MLKL: variants seen among roughly 807,000 people sequenced by gnomAD.
MLKL encodes the protein mixed lineage kinase domain-like protein.
MLKL carries 55 observed loss-of-function variants against 56.5 expected under a neutral mutation model. That is an observed-to-expected ratio of 0.97 (90% CI 0.78 to 1.22). MLKL has a LOEUF of 1.22. Ranked by LOEUF, MLKL falls within the 50% of genes most tolerant of loss-of-function variation. The pLI is 0.00. For synonymous variants in MLKL, 251 were observed against 208.3 expected (o/e 1.20, Z -1.76); for missense variants, 694 against 573.9 (o/e 1.21, Z -2.14).
chr16:74,695,740 A>G lies in MLKL; in HGVS notation c.18T>C (p.His6=), dbSNP rs1347381689. The stretch of plus-strand genomic sequence containing the variant: ...GGATGACCTGGCCAAGGGTGATAAT[A>G]TGCTTCAAATTTTCCATGCCTGGAA... MENLK[H]IITLGQVIHK... The change falls in exon 2 of 11, where the codon CAT becomes CAC. Residue 6 remains histidine, a synonymous_variant. Transcript: ENST00000308807. The G allele has an allele frequency of 1.3e-6, 2 of 1,587,898 alleles. No individual in the cohort carries two copies. Among genetic ancestry groups the G allele is most frequent in the Non-Finnish European group, 1.7e-6 (2 of 1,166,812 alleles).
At chr16:74,679,215 G>A (rs1008851269) in intron 6 of MLKL, among the ~76,000 whole-genome samples, 1 of 152,140 alleles carries the variant, frequency 6.6e-6, no homozygotes, top group African/African-American at 2.4e-5. Context: ...GCATGCAATC[G>A]GGCATCAGGG....
At chr16:74,681,372 A>C (rs966728398) in intron 6 of MLKL, among the ~76,000 whole-genome samples, 1 of 152,186 alleles carries the variant, frequency 6.6e-6, no homozygotes, top group Non-Finnish European at 1.5e-5. Flanking sequence ...AAAAATGTTA[A>C]GTAAATAACA....
Position 74,672,255 on chromosome 16 carries a change from G to A in MLKL, c.*249C>T. 1 of 414,376 alleles carries A rather than the reference G, an allele frequency of 2.4e-6. No individual in the cohort carries two copies. Among genetic ancestry groups the A allele is most frequent in the Non-Finnish European group, 4.4e-6 (1 of 228,558 alleles). The allele number at this position is 414,376 out of a possible 1,614,324, so 25.7% of individuals were successfully genotyped here. On this transcript the variant is annotated 3_prime_UTR_variant, in exon 11 of 11. Coordinates refer to ENST00000308807, the MANE Select transcript of MLKL (RefSeq NM_152649.4). ...GCAAATTTCATTGCCAAGAGGTGTG[G>A]ATACCCAGAAAGATACATTTGACAA...
intron 2 of MLKL, 82 bp from the exon 3 acceptor site, chr16:74,692,498 G>A (rs1960735336): frequency 7.2e-6 from 8 of 1,109,486 alleles, no homozygotes; most frequent in African/African-American, 6.3e-5. Flanking sequence ...AATTAAAACT[G>A]TTGAGATATC....
At position 74,685,465 on chromosome 16, in the gene MLKL, A is replaced by G. The variant is rs767627387; in HGVS notation, c.820+21T>C. The G allele has an allele frequency of 8.2e-6, 13 of 1,592,072 alleles. No individual in the cohort carries two copies. The South Asian group carries it at 1.4e-4, about 18-fold the overall frequency. On this transcript the variant is annotated intron_variant, in intron 5 of 10. Transcript: ENST00000308807. ...GTTCTAGGCCATCCAAAGCTTGACCAATCCTAGAAGCATTCCTTACCTGTT... is the reference window on the plus strand; with the variant it reads ...GTTCTAGGCCATCCAAAGCTTGACCGATCCTAGAAGCATTCCTTACCTGTT...
At chr16:74,699,107 C>T (rs1009627641) in intron 1 of MLKL, among the ~76,000 whole-genome samples, 14 of 151,386 alleles carry the variant, frequency 9.2e-5, no homozygotes, top group South Asian at 2.1e-4. Context: ...AGCAAAACTC[C>T]GTCTCAAAAA....
chr16:74,675,602 C>T lies in MLKL; in HGVS notation c.1190+11G>A, dbSNP rs755462575. The T allele has an allele frequency of 2.4e-5, 39 of 1,610,158 alleles. No homozygotes were observed. The Admixed American group carries it at 4.2e-4, about 17-fold the overall frequency. ...ATCTGAGTTAGAATCTGTACCAGAA[C>T]GTGAGTGTACCTGTATATTTCAGAC... On this transcript the variant is annotated intron_variant, in intron 8 of 10. Transcript: ENST00000308807.
chr16:74,680,489 T>TTTTTTG (rs1959885460), intron 6 of MLKL, among the ~76,000 whole-genome samples: 1 of 151,650 alleles, frequency 6.6e-6, no homozygotes, highest in Admixed American at 6.6e-5. Flanking sequence ...TTTTTTTTGT[T>TTTTTTG]TTTTTGTTTT....
At chr16:74,697,451 T>C (rs564694339) in intron 1 of MLKL, among the ~76,000 whole-genome samples, 15 of 152,290 alleles carry the variant, frequency 9.8e-5, no homozygotes, top group African/African-American at 3.4e-4. Flanking sequence ...CAATGAATGA[T>C]GATAATAATT....
At chr16:74,692,742 T>C (rs1960748171) in intron 2 of MLKL, among the ~76,000 whole-genome samples, 1 of 152,258 alleles carries the variant, frequency 6.6e-6, no homozygotes, top group Non-Finnish European at 1.5e-5. Context: ...AACGCAGAAG[T>C]GCTATACTAT....
chr16:74,676,542 G>A (rs1959605891), intron 7 of MLKL: 6 of 888,388 alleles, frequency 6.8e-6, no homozygotes, highest in African/African-American at 5.4e-5. Flanking sequence ...TACATCTAGC[G>A]CCGTATGGGA....
chr16:74,692,466 C>G, intron 2 of MLKL, 50 bp from the exon 3 acceptor site: 1 of 1,466,738 alleles, frequency 6.8e-7, no homozygotes, highest in Non-Finnish European at 9.4e-7. Context: ...TAAAATCACA[C>G]GCCAATCAAA....
At chr16:74,694,128 T>C (rs775551897) in intron 2 of MLKL, among the ~76,000 whole-genome samples, 3 of 152,132 alleles carry the variant, frequency 2.0e-5, no homozygotes, top group Non-Finnish European at 4.4e-5. Context: ...AATAGAACAA[T>C]GTGCTTGGCA....
At chr16:74,688,104 G>A (rs139533299) in intron 4 of MLKL, among the ~76,000 whole-genome samples, 102 of 152,248 alleles carry the variant, frequency 6.7e-4, no homozygotes, top group African/African-American at 2.3e-3. Flanking sequence ...GATTACAGTC[G>A]TGAGCCACTG....
Position 74,691,412 on chromosome 16 carries a change from A to G in MLKL, c.587T>C (p.Ile196Thr). 1 of 1,613,784 alleles carries G rather than the reference A, an allele frequency of 6.2e-7. No homozygotes were observed. Among genetic ancestry groups the G allele is most frequent in the Non-Finnish European group, 8.5e-7 (1 of 1,179,954 alleles). Residue 196 changes from isoleucine (I) to threonine (T), a missense_variant, in exon 4 of 11, where the codon ATC becomes ACC. Coordinates refer to ENST00000308807, the MANE Select transcript of MLKL (RefSeq NM_152649.4). The part of the protein sequence containing the change: ...QEIPQEQIKE[I>T]KKEQLSGSPW... ...GGATCCTGAAAGCTGCTCCTTCTTGATCTCCTTGATTTGCTCTTGCGGGAT... is the reference window on the plus strand; with the variant it reads ...GGATCCTGAAAGCTGCTCCTTCTTGGTCTCCTTGATTTGCTCTTGCGGGAT...
intron 4 of MLKL, 23 bp downstream of exon 4, chr16:74,691,254 G>T: frequency 6.3e-7 from 1 of 1,592,770 alleles, no homozygotes; most frequent in Non-Finnish European, 8.6e-7. Flanking sequence ...GTACACACGA[G>T]AGAACCACAC....
rs146170693 is a variant in MLKL, at chr16:74,690,746, C to T, written c.722+531G>A. On this transcript the variant is annotated intron_variant, in intron 4 of 10. Transcript: ENST00000308807. ...GCAATGAGCTATGATCTCACCACTG[C>T]ACTCCAGCCTGGACAACAGAGTGAG... 5.0e-3 allele frequency among the ~76,000 whole-genome samples: 644 copies of T among 130,066 alleles called. 19 individuals are homozygous for T. The East Asian group carries it at 0.082, about 16-fold the overall frequency. 85.3% of individuals were successfully genotyped at this position (130,066 alleles called of 152,430 possible). A position where few individuals can be genotyped will look rare whatever the true frequency, so the allele number is the denominator to read the frequency against.
chr16:74,697,394 T>C (rs920800591), intron 1 of MLKL, among the ~76,000 whole-genome samples: 6 of 152,092 alleles, frequency 3.9e-5, no homozygotes, highest in African/African-American at 1.4e-4. Context: ...TTTAAGGCAG[T>C]TTGAATCATG....
chr16:74,696,091 A>G (rs2144563450), intron 1 of MLKL, among the ~76,000 whole-genome samples: 1 of 152,230 alleles, frequency 6.6e-6, no homozygotes, highest in South Asian at 2.1e-4. Context: ...CCGCCTCCTC[A>G]CACTCTCCCT....
Sources: gnomAD v4.1 joint callset for allele counts (sites outside exome capture counted in the v4.1 genomes callset) on GRCh38, gnomAD v4.1.1 for gene constraint, MANE v1.5 for transcripts, NCBI Gene and HGNC (gene_info 2026-07-23, HGNC 2026-07-21) for gene names.